ATP6V1A: variants seen among roughly 807,000 people sequenced by gnomAD.
ATP6V1A encodes the protein ATPase H+ transporting V1 subunit A, also known as V-type proton ATPase catalytic subunit A.
In ATP6V1A, 18 loss-of-function variants were observed where a neutral mutation model predicts 70.1. The ratio of observed to expected loss-of-function variants is 0.26; its 90% CI spans 0.18 to 0.38. ATP6V1A has a LOEUF of 0.38. ATP6V1A is among the 10% of genes least tolerant of loss of function. ATP6V1A has a pLI of 1.00. For synonymous variants in ATP6V1A, 232 were observed against 253.8 expected, an observed-to-expected ratio of 0.91 and a Z score of 0.82; for missense variants, 424 against 772.4, an observed-to-expected ratio of 0.55 and a Z score of 5.35.
rs918722817 is a variant in ATP6V1A at position 113,810,564 on chromosome 3, A to T, written c.*1137A>T. 6.6e-6 allele frequency: 1 copy of T among 152,212 alleles called. No homozygotes were observed. Among genetic ancestry groups the T allele is most frequent in the African/African-American group, 2.4e-5 (1 of 41,454 alleles). The allele number at this position is 152,212 out of a possible 1,614,324, so 9.4% of individuals were successfully genotyped here. A position where few individuals can be genotyped will look rare whatever the true frequency, so the allele number is the denominator to read the frequency against. On this transcript the variant is annotated 3_prime_UTR_variant, in exon 15 of 15. Transcript: ENST00000273398. The stretch of plus-strand genomic sequence containing the variant: ...AAATGACACTTAAAACAATCACTGA[A>T]AACTTGATCCACATCACACCCTGTT...
chr3:113,783,351 G>A (rs923261329), intron 3 of ATP6V1A, among the ~76,000 whole-genome samples: 4 of 152,114 alleles, frequency 2.6e-5, no homozygotes, highest in African/African-American at 9.7e-5. Context: ...AGGAAAAGTT[G>A]TACTGATTTT....
At chr3:113,769,937 A>G (rs980350298) in intron 1 of ATP6V1A, among the ~76,000 whole-genome samples, 2 of 152,202 alleles carry the variant, frequency 1.3e-5, no homozygotes, top group African/African-American at 4.8e-5. Context: ...GCTAAAGGCA[A>G]CATTTTTATA....
At position 113,805,522 on chromosome 3, in the gene ATP6V1A, C is replaced by T; in HGVS notation, c.1758C>T (p.Phe586=). ...DILYKLSSMK[F]KDPLKDGEAK... ...TCTATAAACTTTCCTCCATGAAATT[C>T]AAGGTATATTTTGTTTCTGCTGTAA... Residue 586 remains phenylalanine, a synonymous_variant, in exon 14 of 15, where the codon TTC becomes TTT. Transcript: ENST00000273398. 1 of 1,606,256 alleles carries T rather than the reference C, an allele frequency of 6.2e-7. No homozygotes were observed.
At chr3:113,805,150 A>C (rs1395977180) in intron 13 of ATP6V1A, among the ~76,000 whole-genome samples, 1 of 152,204 alleles carries the variant, frequency 6.6e-6, no homozygotes, top group Non-Finnish European at 1.5e-5. Context: ...TCTATCCCAT[A>C]TCCTGAGACA....
intron 3 of ATP6V1A, among the ~76,000 whole-genome samples, chr3:113,782,155 T>C (rs1475001740): frequency 6.6e-6 from 1 of 152,202 alleles, no homozygotes; most frequent in Non-Finnish European, 1.5e-5. Context: ...CTAAAACACA[T>C]GCGTGCAGAT....
chr3:113,809,820 T>G lies in ATP6V1A; in HGVS notation c.*393T>G, dbSNP rs1668887076. The stretch of plus-strand genomic sequence containing the variant: ...TTTGGAATGGAAGGCCAGGTTTCTA[T>G]AACTTTTGAACAGGTACTTTGTGAA... On this transcript the variant is annotated 3_prime_UTR_variant, in exon 15 of 15. Transcript: ENST00000273398. 1 of 153,718 alleles carries G rather than the reference T, an allele frequency of 6.5e-6. No homozygotes were observed. The highest frequency in any genetic ancestry group is 2.4e-5 in the African/African-American group (1 of 41,488). The allele number at this position is 153,718 out of a possible 1,614,324, so 9.5% of individuals were successfully genotyped here.
At chr3:113,798,164 G>A (rs1044076849) in intron 11 of ATP6V1A, 79 bp from the exon 12 acceptor site, 18 of 1,498,934 alleles carry the variant, frequency 1.2e-5, no homozygotes, top group African/African-American at 2.8e-5. Context: ...GCATAGTTGG[G>A]ACAAACATGC....
intron 2 of ATP6V1A, among the ~76,000 whole-genome samples, chr3:113,779,619 C>T (rs578008484): frequency 4.4e-4 from 67 of 152,136 alleles, no homozygotes; most frequent in Non-Finnish European, 8.5e-4. Context: ...TTTTTCTCCC[C>T]CAAGAACTTG....
At chr3:113,799,300 A>G (rs1430654344) in intron 12 of ATP6V1A, among the ~76,000 whole-genome samples, 1 of 152,208 alleles carries the variant, frequency 6.6e-6, no homozygotes, top group Non-Finnish European at 1.5e-5. Flanking sequence ...CAGAAAATCT[A>G]TTGTAATTCA....
chr3:113,768,133 G>A (rs1708794737), intron 1 of ATP6V1A, among the ~76,000 whole-genome samples: 1 of 152,124 alleles, frequency 6.6e-6, no homozygotes, highest in African/African-American at 2.4e-5. Context: ...ATAGAAGAGT[G>A]TGTGTGTGTC....
chr3:113,805,284 G>A (rs1709262517), intron 13 of ATP6V1A, 70 bp from the exon 14 acceptor site: 1 of 1,448,334 alleles, frequency 6.9e-7, no homozygotes, highest in Admixed American at 2.0e-5. Flanking sequence ...TGCTCTAGTA[G>A]TTTTATATAA....
chr3:113,772,463 C>T (rs1708853061), intron 1 of ATP6V1A, among the ~76,000 whole-genome samples: 1 of 152,200 alleles, frequency 6.6e-6, no homozygotes, highest in African/African-American at 2.4e-5. Flanking sequence ...CACCATGGCT[C>T]ACGCCTGTAA....
intron 1 of ATP6V1A, among the ~76,000 whole-genome samples, chr3:113,759,185 T>C (rs1006221671): frequency 6.6e-6 from 1 of 152,158 alleles, no homozygotes; most frequent in African/African-American, 2.4e-5. Context: ...GGATTGTGCT[T>C]TTAGCGTTAT....
chr3:113,757,556 T>G (rs1321648040), intron 1 of ATP6V1A, among the ~76,000 whole-genome samples: 1 of 152,208 alleles, frequency 6.6e-6, no homozygotes, highest in Non-Finnish European at 1.5e-5. Context: ...TTCAACATAT[T>G]GTAAGCTGAT....
chr3:113,770,028 C>A (rs1708817062), intron 1 of ATP6V1A, among the ~76,000 whole-genome samples: 1 of 115,736 alleles, frequency 8.6e-6, no homozygotes, highest in Non-Finnish European at 1.7e-5. Context: ...AGTATTCCTG[C>A]TTTTATTTAT....
chr3:113,799,452 C>A (rs996364189), intron 12 of ATP6V1A, among the ~76,000 whole-genome samples: 2 of 152,070 alleles, frequency 1.3e-5, no homozygotes, highest in Non-Finnish European at 2.9e-5. Flanking sequence ...TATACTAAGA[C>A]CTAGGGAAAC....
chr3:113,786,487 A>G, intron 6 of ATP6V1A, 104 bp downstream of exon 6: 1 of 1,142,668 alleles, frequency 8.8e-7, no homozygotes. Flanking sequence ...ACACTATAAT[A>G]CATTTTATCT....
chr3:113,780,980 T>G (rs1172047464), intron 2 of ATP6V1A, 70 bp from the exon 3 acceptor site: 4 of 1,518,610 alleles, frequency 2.6e-6, no homozygotes, highest in Admixed American at 2.2e-5. Context: ...ATTGGGTGTT[T>G]TAATTATTTG....
At chr3:113,768,006 TGTAA>T (rs1451251833) in intron 1 of ATP6V1A, among the ~76,000 whole-genome samples, 2 of 152,226 alleles carry the variant, frequency 1.3e-5, no homozygotes, top group Non-Finnish European at 2.9e-5. Context: ...GTTGATGAAC[TGTAA>T]GTGTGTTTAG....
Sources: gnomAD v4.1 joint callset for allele counts (sites outside exome capture counted in the v4.1 genomes callset) on GRCh38, gnomAD v4.1.1 for gene constraint, MANE v1.5 for transcripts, NCBI Gene and HGNC (gene_info 2026-07-23, HGNC 2026-07-21) for gene names.